The following SLC20A2 variants were observed in gnomAD, a reference collection of about 807,000 sequenced individuals.
The protein encoded by SLC20A2 is solute carrier family 20 member 2, also known as sodium-dependent phosphate transporter 2.
A neutral mutation model predicts 61.0 loss-of-function variants in SLC20A2; 30 were observed. That is an observed-to-expected ratio of 0.49 (90% CI 0.37 to 0.67). The LOEUF (loss-of-function observed/expected upper bound fraction) is 0.67, where lower values mean the gene tolerates loss of function less well. SLC20A2 is among the 30% of genes least tolerant of loss of function. The probability of loss-of-function intolerance (pLI) is 0.00; values close to 1 mark genes in which losing one functional copy is unlikely to be tolerated. For synonymous variants in SLC20A2, 351 were observed against 353.3 expected (o/e 0.99, Z 0.07); for missense variants, 626 against 866.4 (o/e 0.72, Z 3.48).
chr8:42,420,999 G>A (rs1315230243), intron 10 of SLC20A2, among the ~76,000 whole-genome samples: 1 of 152,138 alleles, frequency 6.6e-6, no homozygotes, highest in Non-Finnish European at 1.5e-5. Context: ...TCACCAAAAT[G>A]TATTCTTTAG....
chr8:42,438,075 A>AAAAAAAAAAAAAAAAAAAC (rs1563455842), intron 7 of SLC20A2, among the ~76,000 whole-genome samples: 2 of 144,340 alleles, frequency 1.4e-5, no homozygotes, highest in Non-Finnish European at 3.0e-5. Flanking sequence ...AAAAAAAAAA[A>AAAAAAAAAAAAAAAAAAAC]AAAAAAAAAA....
chr8:42,484,836 A>C (rs753311632), intron 1 of SLC20A2: 5 of 335,074 alleles, frequency 1.5e-5, no homozygotes, highest in South Asian at 7.7e-5. Context: ...GAGGGCATCC[A>C]GCCAGCTGGG....
intron 6 of SLC20A2, among the ~76,000 whole-genome samples, chr8:42,443,402 C>T (rs1001753041): frequency 3.4e-4 from 50 of 149,058 alleles, no homozygotes; most frequent in African/African-American, 1.1e-3. Flanking sequence ...GCAACCTCTG[C>T]CCCCCCGGGT....
At chr8:42,424,606 A>C (rs1188042009) in intron 10 of SLC20A2, among the ~76,000 whole-genome samples, 1 of 152,230 alleles carries the variant, frequency 6.6e-6, no homozygotes, top group African/African-American at 2.4e-5. Context: ...CTCATCAAAC[A>C]GACTGCCTTA....
At chr8:42,494,260 A>G (rs998468601) in intron 1 of SLC20A2, among the ~76,000 whole-genome samples, 1 of 152,256 alleles carries the variant, frequency 6.6e-6, no homozygotes. Context: ...ATATTGGTGT[A>G]CTAGCTTTAT....
chr8:42,493,550 T>C (rs1031812528), intron 1 of SLC20A2, among the ~76,000 whole-genome samples: 3 of 152,296 alleles, frequency 2.0e-5, no homozygotes, highest in African/African-American at 7.2e-5. Context: ...TAATGGATAA[T>C]CATAACACCA....
chr8:42,487,890 A>G (rs545996570), intron 1 of SLC20A2, among the ~76,000 whole-genome samples: 1 of 152,284 alleles, frequency 6.6e-6, no homozygotes, highest in East Asian at 1.9e-4. Flanking sequence ...CCATTAGACA[A>G]TAACTTGCCA....
intron 4 of SLC20A2, among the ~76,000 whole-genome samples, chr8:42,461,516 A>G (rs937180192): frequency 1.3e-5 from 2 of 150,574 alleles, no homozygotes; most frequent in Non-Finnish European, 2.9e-5. Flanking sequence ...CAGTGGTGCA[A>G]TCTTGGCTCA....
chr8:42,522,878 T>TA lies in SLC20A2; in HGVS notation c.-265+18942dup, dbSNP rs60134886. The stretch of plus-strand genomic sequence containing the variant: ...CATCACCACACCTGGCTAATAATAA[T>TA]AAAAAAAAAAAATCTGTAGAGATGG... On this transcript the variant is annotated intron_variant, in intron 1 of 10. Transcript: ENST00000342228. Among the ~76,000 whole-genome samples, 425 of 89,632 alleles carry TA rather than the reference T, an allele frequency of 4.7e-3. 3 individuals are homozygous for TA. Among genetic ancestry groups the TA allele is most frequent in the African/African-American group, 0.019 (374 of 19,190 alleles). The allele number at this position is 89,632 out of a possible 152,430, so 58.8% of individuals were successfully genotyped here.
At chr8:42,428,992 T>G (rs1471044600) in intron 9 of SLC20A2, 150 bp from the exon 10 acceptor site, 1 of 600,240 alleles carries the variant, frequency 1.7e-6, no homozygotes, top group African/African-American at 2.0e-5. Flanking sequence ...AAGAGGCCGC[T>G]GCTCAACAAC....
chr8:42,420,201 T>C (rs944488223), intron 10 of SLC20A2, among the ~76,000 whole-genome samples: 2 of 151,536 alleles, frequency 1.3e-5, no homozygotes, highest in African/African-American at 4.8e-5. Context: ...AAAAAAAAAA[T>C]TGTCTCTTCA....
chr8:42,438,050 TAAAAAAAAAAACCAA>T (rs1437490101), intron 7 of SLC20A2, among the ~76,000 whole-genome samples: 524 of 15,968 alleles, frequency 0.033, 18 homozygotes, highest in African/African-American at 0.076. Flanking sequence ...TGGTTACCAC[TAAAAAAAAAAACCAA>T]AAAAAAAAAA....
chr8:42,446,283 A>G (rs139396855), intron 5 of SLC20A2, among the ~76,000 whole-genome samples: 1 of 152,352 alleles, frequency 6.6e-6, no homozygotes, highest in East Asian at 1.9e-4. Flanking sequence ...ACATGGTTTG[A>G]GAACGTCATC....
In SLC20A2 at chr8:42,430,202, C is replaced by T; in HGVS notation, c.1571G>A (p.Gly524Asp). The T allele has an allele frequency of 1.2e-6, 2 of 1,613,832 alleles. No individual in the cohort carries two copies. Among genetic ancestry groups the T allele is most frequent in the Non-Finnish European group, 1.7e-6 (2 of 1,179,924 alleles). The change falls in exon 9 of 11, where the codon GGC becomes GAC. Residue 524 changes from glycine (G) to aspartate (D), a missense_variant. Gly to Asp is a moderately conservative substitution (Grantham distance 94). Transcript: ENST00000520262. Reference sequence around the variant, plus strand: ...TGTAGCTGCTTCTTGCGTTACCCCGCCTTGTTTGTAAATCAGCCACAAGGC... The same window carrying T: ...TGTAGCTGCTTCTTGCGTTACCCCGTCTTGTTTGTAAATCAGCCACAAGGC... ...LVALWLIYKQ[G>D]GVTQEAATPV... is the part of the protein sequence containing the mutation.
chr8:42,478,660 T>G (rs1808342894), intron 1 of SLC20A2, among the ~76,000 whole-genome samples: 1 of 152,158 alleles, frequency 6.6e-6, no homozygotes, highest in South Asian at 2.1e-4. Context: ...GTGGCTGTAT[T>G]ACTGCACGTG....
At chr8:42,481,115 C>CT (rs1479846211) in intron 1 of SLC20A2, among the ~76,000 whole-genome samples, 4 of 152,184 alleles carry the variant, frequency 2.6e-5, no homozygotes, top group Admixed American at 2.0e-4. Context: ...CTGCTGGCCT[C>CT]TTTTCTCCTG....
rs566821695 is a variant in SLC20A2, at chr8:42,467,403, G to C, written c.290-1486C>G. On this transcript the variant is annotated intron_variant, in intron 2 of 10. Transcript: ENST00000520262. ...AGTATTAAAAGCATCAACCGGGAGA[G>C]ATCACTTTCAGAAGCAGTTGTTGAA... Among the ~76,000 whole-genome samples, 564 of 152,242 alleles carry C rather than the reference G, an allele frequency of 3.7e-3. 3 individuals are homozygous for C. The highest frequency in any genetic ancestry group is 0.013 in the African/African-American group (539 of 41,526).
intron 1 of SLC20A2, among the ~76,000 whole-genome samples, chr8:42,477,134 C>T (rs746479694): frequency 6.6e-6 from 1 of 152,224 alleles, no homozygotes; most frequent in Non-Finnish European, 1.5e-5. Flanking sequence ...TACCTCAACA[C>T]GCTTTTTGAA....
chr8:42,472,143 G>A lies in SLC20A2; in HGVS notation c.248C>T (p.Thr83Met), dbSNP rs753685494. ...GIIDVNLYNE[T>M]VETLMAGEVS... is the part of the protein sequence containing the mutation. ...TTCCCCAGCCATGAGAGTCTCCACC[G>A]TCTCGTTGTACAGGTTCACGTCAAT... Residue 83 changes from threonine (T) to methionine (M), a missense_variant, in exon 2 of 11, where the codon ACG (threonine) becomes ATG (methionine). By Grantham distance (81) the Thr-to-Met change is moderately conservative (BLOSUM62 -1). Coordinates refer to ENST00000520262, the MANE Select transcript of SLC20A2 (RefSeq NM_001257180.2). The surrounding 1 kb of genome is among the most constrained non-coding windows in gnomAD (Gnocchi z 4.1). 10 of 1,613,666 alleles carry A rather than the reference G, an allele frequency of 6.2e-6. No homozygotes were observed. Among genetic ancestry groups the A allele is most frequent in the African/African-American group, 4.0e-5 (3 of 74,902 alleles).
Sources: gnomAD v4.1 joint callset for allele counts (sites outside exome capture counted in the v4.1 genomes callset) on GRCh38, gnomAD v4.1.1 for gene constraint, Gnocchi (gnomAD v3.1) non-coding constraint, MANE v1.5 for transcripts, NCBI Gene and HGNC (gene_info 2026-07-23, HGNC 2026-07-21) for gene names.